ITGAE: variants seen among roughly 807,000 people sequenced by gnomAD.
ITGAE encodes integrin alpha-E.
ITGAE carries 99 observed loss-of-function variants against 136.5 expected under a neutral mutation model. The ratio of observed to expected loss-of-function variants is 0.73; its 90% CI spans 0.62 to 0.86. ITGAE has a LOEUF of 0.86. Among genes scored for constraint, ITGAE ranks in the 40% least tolerant of loss-of-function variants. The pLI is 0.00. For missense variants in ITGAE, 1,447 were observed against 1,515.3 expected, an observed-to-expected ratio of 0.95 and a Z score of 0.75; for synonymous variants, 613 against 591.8, an observed-to-expected ratio of 1.04 and a Z score of -0.52.
intron 29 of ITGAE, 124 bp from the exon 30 acceptor site, chr17:3,716,922 T>C (rs2050955194): frequency 1.6e-6 from 1 of 616,420 alleles, no homozygotes; most frequent in Non-Finnish European, 2.9e-6. Flanking sequence ...TCAAAGCTGA[T>C]GACAGTAAAG....
chr17:3,742,537 C>T (rs181732379), intron 19 of ITGAE, among the ~76,000 whole-genome samples: 6 of 151,712 alleles, frequency 4.0e-5, no homozygotes, highest in Non-Finnish European at 8.8e-5. Context: ...TCACTGCAAC[C>T]ACTGTCTCCC....
rs774069448 is a variant in ITGAE, at chr17:3,759,554, C to T, written c.715-1G>A. ...CATACTGCACCAAGGCAAAGTTGCA[C>T]TGCAGGGGATGGGCAGGAGGGCAGG... On this transcript the variant is annotated splice_acceptor_variant, in intron 7 of 30. Transcript: ENST00000263087. LOFTEE classifies it high-confidence loss of function. 4.1e-5 allele frequency: 66 copies of T among 1,607,994 alleles called. No homozygotes were observed. The highest frequency in any genetic ancestry group is 8.5e-7 in the Non-Finnish European group (1 of 1,174,890).
Position 3,714,755 on chromosome 17 carries a change from C to G in ITGAE, c.*92G>C. 1 of 722,756 alleles carries G rather than the reference C, an allele frequency of 1.4e-6. No individual in the cohort carries two copies. The highest frequency in any genetic ancestry group is 1.6e-5 in the South Asian group (1 of 61,280). The allele number at this position is 722,756 out of a possible 1,614,324, so 44.8% of individuals were successfully genotyped here. A position where few individuals can be genotyped will look rare whatever the true frequency, so the allele number is the denominator to read the frequency against. Reference sequence around the variant, plus strand: ...ATTCTACCAACAGCTCCATGCTGCTCTAGATCATCCTGAAGGAAAAAGTAA... The same window carrying G: ...ATTCTACCAACAGCTCCATGCTGCTGTAGATCATCCTGAAGGAAAAAGTAA... On this transcript the variant is annotated 3_prime_UTR_variant, in exon 31 of 31. Transcript: ENST00000263087.
chr17:3,770,037 G>A (rs2052383089), intron 2 of ITGAE, among the ~76,000 whole-genome samples: 1 of 151,708 alleles, frequency 6.6e-6, no homozygotes. Flanking sequence ...CTTTTTAACT[G>A]GTCACTGACT....
intron 30 of ITGAE, among the ~76,000 whole-genome samples, chr17:3,715,204 G>A (rs906232741): frequency 3.9e-5 from 6 of 152,134 alleles, no homozygotes; most frequent in Non-Finnish European, 8.8e-5. Context: ...AACTTATTTT[G>A]CAAAGCATGA....
intron 29 of ITGAE, chr17:3,718,377 G>A (rs1165883563): frequency 6.6e-6 from 1 of 152,228 alleles, no homozygotes; most frequent in Non-Finnish European, 1.5e-5. Flanking sequence ...TACAGCATTT[G>A]GAGATGTGGC....
chr17:3,720,893 C>T (rs1420355774), intron 28 of ITGAE, among the ~76,000 whole-genome samples: 1 of 151,600 alleles, frequency 6.6e-6, no homozygotes, highest in Non-Finnish European at 1.5e-5. Flanking sequence ...TTTTCTTCAA[C>T]TTCTTTTCCC....
rs150287837 is a variant in ITGAE at position 3,725,589 on chromosome 17, C to T, written c.3085-1845G>A. ...CCTCTTATCCGGTGAAGTGTGCAAC[C>T]GCACAGAAGGCTTTATCGGGCTGAA... On this transcript the variant is annotated intron_variant, in intron 26 of 30. Transcript: ENST00000263087. 111 of 1,614,130 alleles carry T rather than the reference C, an allele frequency of 6.9e-5. 1 individual carries two copies. Among genetic ancestry groups the T allele is most frequent in the Admixed American group, 3.8e-4 (23 of 60,026 alleles).
rs1370979141 is a variant in ITGAE, at chr17:3,798,120, G to A, written c.34+2991C>T. Among the ~76,000 whole-genome samples the A allele has an allele frequency of 6.6e-6, 1 of 152,124 alleles. No homozygotes were observed. The highest frequency in any genetic ancestry group is 1.5e-5 in the Non-Finnish European group (1 of 68,016). Reference sequence around the variant, plus strand: ...GGGCAGGGATGTGGGGCTCCCACACGGCCCACACTCCCCCAGCCAGCTCTC... The same window carrying A: ...GGGCAGGGATGTGGGGCTCCCACACAGCCCACACTCCCCCAGCCAGCTCTC... On this transcript the variant is annotated intron_variant, in intron 1 of 30. Transcript: ENST00000263087. This position sits in a 1 kb window ranked among gnomAD's most constrained non-coding sequence, Gnocchi z 4.3.
intron 21 of ITGAE, 32 bp downstream of exon 21, chr17:3,734,785 G>A (rs376985556): frequency 2.5e-6 from 4 of 1,612,922 alleles, no homozygotes; most frequent in Non-Finnish European, 3.4e-6. Flanking sequence ...GGGGCGTGAG[G>A]GACCTGTTTC....
At chr17:3,779,613 G>GC (rs980290710) in intron 1 of ITGAE, among the ~76,000 whole-genome samples, 19 of 152,186 alleles carry the variant, frequency 1.2e-4, no homozygotes, top group Admixed American at 3.9e-4. Context: ...ACAGGTGTGA[G>GC]CCACCACATC....
At chr17:3,737,290 C>G (rs1341984759) in intron 20 of ITGAE, among the ~76,000 whole-genome samples, 1 of 151,516 alleles carries the variant, frequency 6.6e-6, no homozygotes, top group Non-Finnish European at 1.5e-5. Context: ...GAGACCCTGT[C>G]TCAAAAGAAG....
chr17:3,739,951 CT>C, intron 19 of ITGAE, 73 bp from the exon 20 acceptor site: 1 of 1,272,534 alleles, frequency 7.9e-7, no homozygotes, highest in Non-Finnish European at 1.1e-6. Flanking sequence ...GGCTCTTCTC[CT>C]TATAGGAAGT....
intron 1 of ITGAE, among the ~76,000 whole-genome samples, chr17:3,791,375 C>T (rs1374139289): frequency 6.6e-6 from 1 of 151,826 alleles, no homozygotes; most frequent in African/African-American, 2.4e-5. Flanking sequence ...CTCTGTCTCC[C>T]GGATTCAAGT....
Position 3,739,797 on chromosome 17 carries a change from C to A in ITGAE, c.2522+8G>T. The A allele has an allele frequency of 6.2e-7, 1 of 1,613,198 alleles. No homozygotes were observed. The highest frequency in any genetic ancestry group is 8.5e-7 in the Non-Finnish European group (1 of 1,179,128). On this transcript the variant is annotated splice_region_variant and intron_variant, in intron 20 of 30. Coordinates refer to ENST00000263087, the MANE Select transcript of ITGAE (RefSeq NM_002208.5). Reference sequence around the variant, plus strand: ...AATCGAGGAAACTGACGGCTATGTCCAACTCACTGAGAGACGGTGGTGGCC... The same window carrying A: ...AATCGAGGAAACTGACGGCTATGTCAAACTCACTGAGAGACGGTGGTGGCC...
intron 1 of ITGAE, among the ~76,000 whole-genome samples, chr17:3,778,657 C>A (rs576137678): frequency 1.7e-4 from 26 of 152,122 alleles, no homozygotes; most frequent in Non-Finnish European, 3.5e-4. Flanking sequence ...TTATTTACAG[C>A]AGAATAGGCT....
In ITGAE at chr17:3,727,968, T is replaced by C; in HGVS notation, c.3035A>G (p.Lys1012Arg). Reference protein sequence around the residue: ...EYQLQICVPTKLRGLQVVAVK... With the variant: ...EYQLQICVPTRLRGLQVVAVK... Reference sequence around the variant, plus strand: ...TGCTACAACCTGGAGACCTCGTAATTTGGTTGGGACGCAAATTTGCAACTG... The same window carrying C: ...TGCTACAACCTGGAGACCTCGTAATCTGGTTGGGACGCAAATTTGCAACTG... Residue 1012 changes from lysine (K) to arginine (R), a missense_variant, in exon 26 of 31, where the codon AAA becomes AGA. Lys to Arg is a conservative substitution (Grantham distance 26). Coordinates refer to ENST00000263087, the MANE Select transcript of ITGAE (RefSeq NM_002208.5). 6.2e-7 allele frequency: 1 copy of C among 1,614,078 alleles called. No individual in the cohort carries two copies. Among genetic ancestry groups the C allele is most frequent in the Non-Finnish European group, 8.5e-7 (1 of 1,179,990 alleles).
At chr17:3,786,371 A>T (rs1286943810) in intron 1 of ITGAE, among the ~76,000 whole-genome samples, 1 of 152,130 alleles carries the variant, frequency 6.6e-6, no homozygotes, top group Non-Finnish European at 1.5e-5. Context: ...TCACTGACGA[A>T]TTTTTCCAAA....
chr17:3,720,614 C>T, intron 28 of ITGAE: 1 of 384,390 alleles, frequency 2.6e-6, no homozygotes, highest in Non-Finnish European at 4.7e-6. Flanking sequence ...TGGAGTTTCG[C>T]TCTTTCGCCC....
Sources: gnomAD v4.1 joint callset for allele counts (sites outside exome capture counted in the v4.1 genomes callset) on GRCh38, gnomAD v4.1.1 for gene constraint, Gnocchi (gnomAD v3.1) non-coding constraint, MANE v1.5 for transcripts, NCBI Gene and HGNC (gene_info 2026-07-23, HGNC 2026-07-21) for gene names.